LDAH: variants seen among roughly 807,000 people sequenced by gnomAD.
The protein encoded by LDAH is lipid droplet associated hydrolase, also known as lipid droplet-associated hydrolase.
LDAH carries 26 observed loss-of-function variants against 29.6 expected under a neutral mutation model. The observed-to-expected ratio is 0.88, with a 90% CI of 0.64 to 1.22. The LOEUF is 1.22. Ranked by LOEUF, LDAH falls within the 50% of genes most tolerant of loss-of-function variation. The probability of loss-of-function intolerance (pLI) is 0.00; values close to 1 mark genes in which losing one functional copy is unlikely to be tolerated. For synonymous variants in LDAH, 117 were observed against 133.0 expected (o/e 0.88, Z 0.83); for missense variants, 344 against 387.3 (o/e 0.89, Z 0.94).
chr2:20,739,934 C>T (rs772101721), intron 5 of LDAH, 37 bp downstream of exon 5: 2 of 1,479,030 alleles, frequency 1.4e-6, no homozygotes, highest in Non-Finnish European at 1.9e-6. Context: ...TTTTGTGATA[C>T]AAGAATAAAC....
At chr2:20,808,225 G>C (rs1281916773) in intron 1 of LDAH, among the ~76,000 whole-genome samples, 1 of 152,176 alleles carries the variant, frequency 6.6e-6, no homozygotes, top group Non-Finnish European at 1.5e-5. Context: ...TCGTGAACTG[G>C]AAGTCTCACT....
chr2:20,729,688 A>G (rs1187148681), intron 5 of LDAH, among the ~76,000 whole-genome samples: 1 of 152,242 alleles, frequency 6.6e-6, no homozygotes, highest in African/African-American at 2.4e-5. Flanking sequence ...TTGTAGATTT[A>G]CATGCAGGTG....
intron 4 of LDAH, among the ~76,000 whole-genome samples, chr2:20,773,893 A>G (rs1409088980): frequency 6.6e-6 from 1 of 152,120 alleles, no homozygotes; most frequent in Non-Finnish European, 1.5e-5. Flanking sequence ...TCAGATTACT[A>G]GGTTTACCAG....
chr2:20,722,099 G>T (rs1181651193), intron 5 of LDAH, among the ~76,000 whole-genome samples: 1 of 152,104 alleles, frequency 6.6e-6, no homozygotes, highest in African/African-American at 2.4e-5. Context: ...CTTACGGCTG[G>T]GCACAGTGGC....
At position 20,701,527 on chromosome 2, in the gene LDAH, C is replaced by T. The variant is rs779537066; in HGVS notation, c.786+43G>A. ...AGTCCTTTGCCCTCGTATCTCTGCC[C>T]ATCTACTTATTATCTATCCCCTTGC... On this transcript the variant is annotated intron_variant, in intron 6 of 6. Transcript: ENST00000237822. 3 of 1,502,804 alleles carry T rather than the reference C, an allele frequency of 2.0e-6. No homozygotes were observed. The African/African-American group carries it at 4.1e-5, about 21-fold the overall frequency. 93.1% of individuals were successfully genotyped at this position (1,502,804 alleles called of 1,614,324 possible).
intron 6 of LDAH, among the ~76,000 whole-genome samples, chr2:20,694,257 G>C (rs1360254608): frequency 1.3e-5 from 2 of 152,186 alleles, no homozygotes; most frequent in Non-Finnish European, 2.9e-5. Context: ...CCATTTCTGG[G>C]GAGAGTCCAG....
chr2:20,780,073 C>T (rs1237917913), intron 3 of LDAH, among the ~76,000 whole-genome samples: 4 of 152,224 alleles, frequency 2.6e-5, no homozygotes, highest in Admixed American at 2.0e-4. Context: ...ACCCCAGCTC[C>T]CTCCCTAAGT....
chr2:20,767,486 G>A (rs747731830), intron 4 of LDAH, among the ~76,000 whole-genome samples: 2 of 152,218 alleles, frequency 1.3e-5, no homozygotes, highest in African/African-American at 2.4e-5. Context: ...TCTGGACTTC[G>A]GGTGCTGACA....
intron 3 of LDAH, among the ~76,000 whole-genome samples, chr2:20,778,670 C>T (rs1245010052): frequency 1.3e-5 from 2 of 152,042 alleles, no homozygotes; most frequent in African/African-American, 4.8e-5. Flanking sequence ...TAGATAAAAA[C>T]ACAATCATTA....
At chr2:20,768,177 A>T (rs1189916294) in intron 4 of LDAH, among the ~76,000 whole-genome samples, 1 of 152,206 alleles carries the variant, frequency 6.6e-6, no homozygotes, top group Non-Finnish European at 1.5e-5. Flanking sequence ...TGGCGAGGCT[A>T]AAAGAGCTGC....
At chr2:20,731,758 T>C (rs1666424399) in intron 5 of LDAH, among the ~76,000 whole-genome samples, 1 of 152,192 alleles carries the variant, frequency 6.6e-6, no homozygotes, top group Admixed American at 6.5e-5. Context: ...ATATTGACTT[T>C]TGTGCTTATC....
chr2:20,754,793 T>C (rs983876252), intron 4 of LDAH, among the ~76,000 whole-genome samples: 2 of 152,130 alleles, frequency 1.3e-5, no homozygotes, highest in Admixed American at 1.3e-4. Flanking sequence ...ATGTCAGTTT[T>C]ATGAAAAAAC....
chr2:20,727,348 T>C (rs576572327), intron 5 of LDAH, among the ~76,000 whole-genome samples: 2 of 152,376 alleles, frequency 1.3e-5, no homozygotes, highest in East Asian at 3.8e-4. Context: ...TGGGATTGAG[T>C]TAAAAATATT....
intron 4 of LDAH, 71 bp from the exon 5 acceptor site, chr2:20,740,276 A>G (rs2124821405): frequency 5.0e-6 from 5 of 1,006,938 alleles, no homozygotes; most frequent in Non-Finnish European, 6.1e-6. Context: ...TGTCTCTTCT[A>G]TATAGTAATG....
At chr2:20,802,479 G>A (rs1671776995) in intron 1 of LDAH, among the ~76,000 whole-genome samples, 1 of 152,142 alleles carries the variant, frequency 6.6e-6, no homozygotes, top group African/African-American at 2.4e-5. Flanking sequence ...GTGCAAAAAT[G>A]TAGGTCCCAA....
intron 3 of LDAH, among the ~76,000 whole-genome samples, chr2:20,782,476 T>C (rs946576125): frequency 7.2e-5 from 11 of 152,232 alleles, no homozygotes; most frequent in African/African-American, 2.7e-4. Flanking sequence ...CTCAAGGATA[T>C]TGACCTATAC....
chr2:20,790,314 A>C lies in LDAH; in HGVS notation c.239T>G (p.Ile80Ser), dbSNP rs368902106. 8.1e-6 allele frequency: 13 copies of C among 1,614,058 alleles called. No homozygotes were observed. The highest frequency in any genetic ancestry group is 2.2e-5 in the South Asian group (2 of 91,086). ...LTNRRFPVWT[I>S]SHAGHALAPK... ...AGCCAACGCATGCCCAGCATGACTG[A>C]TAGTCCAAACTGGAAAGCGTCTGTT... The change falls in exon 3 of 7, where the codon ATC (isoleucine) becomes AGC (serine). Residue 80 changes from isoleucine (I) to serine (S), a missense_variant. By Grantham distance (142) the Ile-to-Ser change is moderately radical. Coordinates refer to ENST00000237822, the MANE Select transcript of LDAH (RefSeq NM_021925.4).
chr2:20,749,202 G>T (rs1006747213), intron 4 of LDAH, among the ~76,000 whole-genome samples: 33 of 152,074 alleles, frequency 2.2e-4, no homozygotes, highest in African/African-American at 7.2e-4. Flanking sequence ...GGGAAATGAA[G>T]AGTAAAATAG....
intron 2 of LDAH, among the ~76,000 whole-genome samples, chr2:20,799,474 C>G (rs1045886283): frequency 3.9e-5 from 6 of 152,054 alleles, no homozygotes; most frequent in African/African-American, 1.4e-4. Context: ...GAGTATTCAT[C>G]ATTTCTATGT....
Sources: allele counts gnomAD v4.1 joint callset (sites outside exome capture counted in the v4.1 genomes callset), GRCh38; gene constraint gnomAD v4.1.1; transcripts MANE v1.5; gene names NCBI Gene and HGNC (gene_info 2026-07-23, HGNC 2026-07-21).